Variants in CDON observed in about 807,000 individuals in gnomAD.
CDON encodes cell adhesion molecule-related/down-regulated by oncogenes.
CDON carries 73 observed loss-of-function variants against 120.9 expected under a neutral mutation model. The ratio of observed to expected loss-of-function variants is 0.60; its 90% CI spans 0.50 to 0.73. The LOEUF (loss-of-function observed/expected upper bound fraction) is 0.73, where lower values mean the gene tolerates loss of function less well. CDON is among the 30% of genes least tolerant of loss of function. The probability of loss-of-function intolerance (pLI) is 0.00; values close to 1 mark genes in which losing one functional copy is unlikely to be tolerated. For missense variants in CDON, 1,470 were observed against 1,587.3 expected (o/e 0.93, Z 1.26); for synonymous variants, 566 against 573.5 (o/e 0.99, Z 0.19).
chr11:126,010,591 C>T lies in CDON; in HGVS notation c.1302G>A (p.Pro434=), dbSNP rs375157917. The T allele has an allele frequency of 1.1e-4, 172 of 1,613,922 alleles. No homozygotes were observed. Among genetic ancestry groups the T allele is most frequent in the African/African-American group, 2.0e-4 (15 of 74,886 alleles). The change falls in exon 8 of 20, where the codon CCG becomes CCA. Residue 434 remains proline (P), a synonymous_variant. Coordinates refer to ENST00000531738, the MANE Select transcript of CDON (RefSeq NM_001378964.1). ...LSCNASGLPV[P]VIRWYDSHGL... is the part of the protein sequence containing the mutation. The stretch of plus-strand genomic sequence containing the variant: ...CATGGCTGTCATACCAACGAATGAC[C>T]GGAACCGGCAGCCCACTGGCATTGC...
Position 126,003,964 on chromosome 11 carries a change from A to G in CDON, c.1964T>C (p.Met655Thr). Reference protein sequence around the residue: ...LEPSSLYEVLMVARSAAGEGQ... With the variant: ...LEPSSLYEVLTVARSAAGEGQ... ...TTCACCTGCTGCGCTTCTTGCTACC[A>G]TCAAGACTTCATAAAGACTAGATGG... The change falls in exon 10 of 20, where the codon ATG (methionine) becomes ACG (threonine). Residue 655 changes from methionine to threonine, a missense_variant. Met to Thr is a moderately conservative substitution (Grantham distance 81). Transcript: ENST00000531738. 1.9e-6 allele frequency: 3 copies of G among 1,614,172 alleles called. No individual in the cohort carries two copies. The highest frequency in any genetic ancestry group is 2.5e-6 in the Non-Finnish European group (3 of 1,180,036).
chr11:126,002,426 T>A (rs1336067084), intron 10 of CDON, among the ~76,000 whole-genome samples: 2 of 152,224 alleles, frequency 1.3e-5, no homozygotes, highest in African/African-American at 4.8e-5. Context: ...AGTAATTAGA[T>A]GAAAGGGTCT....
intron 18 of CDON, among the ~76,000 whole-genome samples, chr11:125,963,531 A>G (rs2134347151): frequency 6.6e-6 from 1 of 152,368 alleles, no homozygotes; most frequent in East Asian, 1.9e-4. Flanking sequence ...AACTGTTGCT[A>G]GCAGTTACAC....
Position 125,961,778 on chromosome 11 carries a change from T to C in CDON, c.3577A>G (p.Ile1193Val). 1 of 1,614,150 alleles carries C rather than the reference T, an allele frequency of 6.2e-7. No individual in the cohort carries two copies. The highest frequency in any genetic ancestry group is 8.5e-7 in the Non-Finnish European group (1 of 1,179,984). Residue 1193 changes from isoleucine to valine, a missense_variant, in exon 19 of 20, where the codon ATT becomes GTT. Ile to Val is a conservative substitution (Grantham distance 29). Coordinates refer to ENST00000531738, the MANE Select transcript of CDON (RefSeq NM_001378964.1). ...VPTQRTCCQD[I>V]VNDVSSDGSE... ...CCATCAGAGCTGACGTCATTTACAA[T>C]GTCCTGACAGCAGGTACGCTGAGTA... is the stretch of plus-strand genomic sequence containing the variant.
Position 126,027,456 on chromosome 11 carries a change from TTAAC to T in CDON, c.-61-3923_-61-3920del, listed in dbSNP as rs1209968407. Among the ~76,000 whole-genome samples the T allele has an allele frequency of 2.8e-4, 42 of 152,354 alleles. 1 individual carries two copies. Among genetic ancestry groups the T allele is most frequent in the African/African-American group, 9.6e-4 (40 of 41,588 alleles). On this transcript the variant is annotated intron_variant, in intron 1 of 19. Coordinates refer to ENST00000531738, the MANE Select transcript of CDON (RefSeq NM_001378964.1). The stretch of plus-strand genomic sequence containing the variant: ...CCCTTAATATTAGTGTTATGGTTAT[TTAAC>T]TAGTAAGTTATTAGAAAACCAAATA...
chr11:126,010,772 C>T (rs910506120), intron 7 of CDON, 78 bp from the exon 8 acceptor site: 20 of 1,161,334 alleles, frequency 1.7e-5, no homozygotes, highest in East Asian at 2.4e-5. Flanking sequence ...CATCCTATCA[C>T]GTAAATGTGG....
intron 10 of CDON, among the ~76,000 whole-genome samples, chr11:126,002,930 T>A (rs1946994246): frequency 6.6e-6 from 1 of 152,088 alleles, no homozygotes; most frequent in Non-Finnish European, 1.5e-5. Flanking sequence ...CACCCAACCT[T>A]GGGCCCTGGC....
chr11:126,047,196 T>C (rs983948819), intron 1 of CDON, among the ~76,000 whole-genome samples: 2 of 152,144 alleles, frequency 1.3e-5, no homozygotes, highest in African/African-American at 4.8e-5. Context: ...ATTTACCTGG[T>C]ATTAAACTGA....
At chr11:126,047,186 A>G (rs185114622) in intron 1 of CDON, among the ~76,000 whole-genome samples, 1 of 152,244 alleles carries the variant, frequency 6.6e-6, no homozygotes, top group Admixed American at 6.5e-5. Flanking sequence ...AATCAGTGTT[A>G]TTTACCTGGT....
At chr11:126,002,348 CTGAT>C (rs1272409399) in intron 10 of CDON, among the ~76,000 whole-genome samples, 1 of 152,140 alleles carries the variant, frequency 6.6e-6, no homozygotes, top group East Asian at 1.9e-4. Context: ...CACCTAATGA[CTGAT>C]TATGAAAATG....
chr11:126,017,220 T>C lies in CDON; in HGVS notation c.796A>G (p.Ser266Gly). ...LKDGQDIAPG[S>G]NWRRLYSHLA... ...TGAGAATACAACCTTCTCCAGTTGC[T>C]TCCTGGTGCAATGTCCTGCCCGTCC... The change falls in exon 6 of 20, where the codon AGC becomes GGC. Residue 266 changes from serine (S) to glycine (G), a missense_variant. Transcript: ENST00000531738. The C allele has an allele frequency of 6.2e-7, 1 of 1,614,182 alleles. No individual in the cohort carries two copies. Among genetic ancestry groups the C allele is most frequent in the Non-Finnish European group, 8.5e-7 (1 of 1,180,036 alleles).
intron 1 of CDON, among the ~76,000 whole-genome samples, chr11:126,037,525 T>G (rs1452716219): frequency 6.6e-6 from 1 of 152,136 alleles, no homozygotes; most frequent in Admixed American, 6.5e-5. Flanking sequence ...TCAAAGTAGT[T>G]AGGGAACAAA....
Position 126,010,460 on chromosome 11 carries a change from G to A in CDON, c.1433C>T (p.Ser478Phe). Residue 478 changes from serine (S) to phenylalanine (F), a missense_variant, in exon 8 of 20, where the codon TCC becomes TTC. Ser to Phe is a radical substitution (Grantham distance 155). Transcript: ENST00000531738. ...LNLEPVYFVL[S>F]QAGASSLHIQ... ...ATGGAGAGAGCTTGCACCAGCTTGG[G>A]ACAGGACGAAGTACACAGGCTCCAG... 1 of 1,614,112 alleles carries A rather than the reference G, an allele frequency of 6.2e-7. No individual in the cohort carries two copies. The highest frequency in any genetic ancestry group is 8.5e-7 in the Non-Finnish European group (1 of 1,180,010).
chr11:125,961,669 C>T (rs1945647768), intron 19 of CDON, 55 bp downstream of exon 19: 7 of 1,612,406 alleles, frequency 4.3e-6, no homozygotes, highest in Non-Finnish European at 5.9e-6. Context: ...CCATACACAG[C>T]TCTTAGCTAA....
At chr11:125,971,243 T>G (rs595631) in intron 18 of CDON, among the ~76,000 whole-genome samples, 3 of 151,604 alleles carry the variant, frequency 2.0e-5, no homozygotes, top group Non-Finnish European at 4.4e-5. Flanking sequence ...ATTAGCTGGG[T>G]GTGGTGGCGG....
In CDON at chr11:125,958,565, A is replaced by ATATATGTGTGTGTGTGTGTGTGTGTG. The variant is rs371911236; in HGVS notation, c.*2376_*2377insCACACACACACACACACACACATATA. The ATATATGTGTGTGTGTGTGTGTGTGTG allele has an allele frequency of 7.7e-6, 1 of 130,084 alleles. No individual in the cohort carries two copies. The highest frequency in any genetic ancestry group is 1.6e-5 in the Non-Finnish European group (1 of 62,376). The allele number at this position is 130,084 out of a possible 1,614,324, so 8.1% of individuals were successfully genotyped here. On this transcript the variant is annotated 3_prime_UTR_variant, in exon 20 of 20. Coordinates refer to ENST00000531738, the MANE Select transcript of CDON (RefSeq NM_001378964.1). ...AAGGCAATTATATATATATATATAT[A>ATATATGTGTGTGTGTGTGTGTGTGTG]TGTGTGTGTGTGTGTGTGTGTGTGT... is the stretch of plus-strand genomic sequence containing the variant.
chr11:125,972,224 G>T (rs549702209), intron 18 of CDON, among the ~76,000 whole-genome samples: 1 of 148,386 alleles, frequency 6.7e-6, no homozygotes, highest in South Asian at 2.2e-4. Context: ...CCAGGAGTGC[G>T]AGACCAGCCT....
At chr11:125,979,574 A>G (rs1356909448) in intron 17 of CDON, among the ~76,000 whole-genome samples, 1 of 152,208 alleles carries the variant, frequency 6.6e-6, no homozygotes, top group East Asian at 1.9e-4. Context: ...ATAATTTAGA[A>G]TCACAGATAA....
intron 10 of CDON, 84 bp from the exon 11 acceptor site, chr11:126,001,934 G>A: frequency 1.0e-6 from 1 of 973,822 alleles, no homozygotes. Flanking sequence ...AAACTTACCT[G>A]GTATGTGGTT....
Sources: gnomAD v4.1 joint callset for allele counts (sites outside exome capture counted in the v4.1 genomes callset) on GRCh38, gnomAD v4.1.1 for gene constraint, MANE v1.5 for transcripts, NCBI Gene and HGNC (gene_info 2026-07-23, HGNC 2026-07-21) for gene names.